SENP1: variants seen among roughly 807,000 people sequenced by gnomAD.
SENP1 encodes the protein sentrin-specific protease 1.
A neutral mutation model predicts 93.0 loss-of-function variants in SENP1; 21 were observed. The ratio of observed to expected loss-of-function variants is 0.23; its 90% confidence interval spans 0.16 to 0.33. The LOEUF is 0.33. Among genes scored for constraint, SENP1 ranks in the 10% least tolerant of loss-of-function variants. The pLI, the probability that SENP1 is intolerant of heterozygous loss-of-function variation, is 1.00. For synonymous variants in SENP1, 256 were observed against 259.6 expected, an observed-to-expected ratio of 0.99 and a Z score of 0.13; for missense variants, 591 against 758.7, an observed-to-expected ratio of 0.78 and a Z score of 2.60.
intron 13 of SENP1, among the ~76,000 whole-genome samples, chr12:48,054,213 T>C (rs1942044035): frequency 1.3e-5 from 2 of 152,268 alleles, no homozygotes; most frequent in Admixed American, 1.3e-4. Flanking sequence ...TCAGAGGCAG[T>C]GAAACCTCCA....
chr12:48,078,332 T>TACAC (rs1944259462), intron 6 of SENP1, among the ~76,000 whole-genome samples: 3 of 83,872 alleles, frequency 3.6e-5, no homozygotes, highest in African/African-American at 1.2e-4. Flanking sequence ...TATATATATA[T>TACAC]ATACACACAC....
intron 13 of SENP1, among the ~76,000 whole-genome samples, chr12:48,059,819 G>A (rs1408365214): frequency 6.6e-6 from 1 of 152,166 alleles, no homozygotes; most frequent in African/African-American, 2.4e-5. Context: ...TCTAGGGTCA[G>A]TTTTGCCCTA....
chr12:48,050,072 G>A (rs1455703167), intron 13 of SENP1, among the ~76,000 whole-genome samples: 1 of 152,146 alleles, frequency 6.6e-6, no homozygotes, highest in African/African-American at 2.4e-5. Context: ...ACTAAAACTT[G>A]AAAGTTATCG....
chr12:48,050,712 A>G (rs969371998), intron 13 of SENP1, among the ~76,000 whole-genome samples: 1 of 152,256 alleles, frequency 6.6e-6, no homozygotes. Context: ...TTCCGAAGGC[A>G]GCCATAAATG....
At chr12:48,074,909 A>G (rs1943959359) in intron 6 of SENP1, 116 bp from the exon 7 acceptor site, 1 of 688,796 alleles carries the variant, frequency 1.5e-6, no homozygotes, top group African/African-American at 1.8e-5. Flanking sequence ...AATCCTTAAG[A>G]TAATTAAGAA....
chr12:48,062,893 A>G (rs1391172009), intron 13 of SENP1, among the ~76,000 whole-genome samples: 1 of 152,224 alleles, frequency 6.6e-6, no homozygotes, highest in Non-Finnish European at 1.5e-5. Context: ...CAAAAACAGG[A>G]TATGGATATC....
intron 4 of SENP1, among the ~76,000 whole-genome samples, chr12:48,091,798 C>T (rs933881529): frequency 3.3e-5 from 5 of 152,058 alleles, no homozygotes; most frequent in Non-Finnish European, 4.4e-5. Flanking sequence ...CCCACCTCAG[C>T]TTCCTCAGTA....
At chr12:48,063,865 A>T in intron 12 of SENP1, 24 bp from the exon 13 acceptor site, 2 of 1,598,296 alleles carry the variant, frequency 1.3e-6, no homozygotes, top group Non-Finnish European at 1.7e-6. Context: ...AGGTGTCAAG[A>T]CATCAAACAC....
chr12:48,045,842 T>A (rs1330752576), intron 17 of SENP1, among the ~76,000 whole-genome samples: 1 of 152,168 alleles, frequency 6.6e-6, no homozygotes, highest in Non-Finnish European at 1.5e-5. Flanking sequence ...GGAGAACACA[T>A]CAGAATAAAC....
rs1424885302 is a variant in SENP1, at chr12:48,044,242, G to A, written c.*1080C>T. 1.4e-4 allele frequency: 21 copies of A among 151,358 alleles called. No homozygotes were observed. The highest frequency in any genetic ancestry group is 1.1e-3 in the Admixed American group (17 of 15,178). 9.4% of individuals were successfully genotyped at this position (151,358 alleles called of 1,614,324 possible). On this transcript the variant is annotated 3_prime_UTR_variant, in exon 18 of 18. Transcript: ENST00000549518. ...TAGTCCACAAACACCCTACTCATAG[G>A]GGCTGGGATCTCTGTGTGCTGGAAT...
chr12:48,079,748 TAGAG>T (rs138114134), intron 6 of SENP1, among the ~76,000 whole-genome samples: 18,504 of 151,876 alleles, frequency 0.12, 1,435 homozygotes, highest in African/African-American at 0.22. Context: ...AAAACTTTAA[TAGAG>T]AGCACAAAAT....
chr12:48,054,319 G>A (rs1249462708), intron 13 of SENP1, among the ~76,000 whole-genome samples: 1 of 152,152 alleles, frequency 6.6e-6, no homozygotes, highest in Non-Finnish European at 1.5e-5. Flanking sequence ...TATTTAGGTT[G>A]CTAAGCCTTC....
At chr12:48,064,961 G>T in intron 12 of SENP1, 104 bp downstream of exon 12, 1 of 810,784 alleles carries the variant, frequency 1.2e-6, no homozygotes, top group Non-Finnish European at 2.0e-6. Flanking sequence ...ACAGGCGTGA[G>T]CCACCGTGCC....
chr12:48,072,126 A>G (rs1254378466), intron 8 of SENP1, among the ~76,000 whole-genome samples: 1 of 152,218 alleles, frequency 6.6e-6, no homozygotes, highest in Non-Finnish European at 1.5e-5. Context: ...GTCCAAATAT[A>G]TTAAATGGAA....
rs146224551 is a variant in SENP1 at position 48,046,588 on chromosome 12, C to A, written c.1777-137G>T. 80 of 665,052 alleles carry A rather than the reference C, an allele frequency of 1.2e-4. No homozygotes were observed. The African/African-American group carries it at 1.3e-3, about 11-fold the overall frequency. 41.2% of individuals were successfully genotyped at this position (665,052 alleles called of 1,614,324 possible). On this transcript the variant is annotated intron_variant, in intron 16 of 17. Transcript: ENST00000549518. Reference sequence around the variant, plus strand: ...GATGACTCTGGCCCCCCAGTCAGGACAACAGAGGCTCAAAGAAACAAAATA... The same window carrying A: ...GATGACTCTGGCCCCCCAGTCAGGAAAACAGAGGCTCAAAGAAACAAAATA...
intron 12 of SENP1, among the ~76,000 whole-genome samples, chr12:48,064,304 A>AT (rs1943144997): frequency 6.6e-6 from 1 of 152,200 alleles, no homozygotes; most frequent in Admixed American, 6.5e-5. Context: ...TACAACTATA[A>AT]TAAGTGTGTT....
chr12:48,097,281 T>C (rs1001326367), intron 3 of SENP1, among the ~76,000 whole-genome samples: 1 of 152,254 alleles, frequency 6.6e-6, no homozygotes, highest in Non-Finnish European at 1.5e-5. Flanking sequence ...TGAGTACATA[T>C]CTGGAAATGT....
At chr12:48,099,166 C>T (rs1945755464) in intron 2 of SENP1, 1 of 151,796 alleles carries the variant, frequency 6.6e-6, no homozygotes, top group South Asian at 2.1e-4. Context: ...TATTAAAAAA[C>T]AAAACAAAAC....
intron 6 of SENP1, among the ~76,000 whole-genome samples, chr12:48,076,925 G>A (rs746706442): frequency 2.0e-5 from 3 of 152,144 alleles, no homozygotes; most frequent in South Asian, 2.1e-4. Flanking sequence ...GATTAAAGGC[G>A]TGAGCCACGG....
Sources: allele counts gnomAD v4.1 joint callset (sites outside exome capture counted in the v4.1 genomes callset), GRCh38; gene constraint gnomAD v4.1.1; transcripts MANE v1.5; gene names NCBI Gene and HGNC (gene_info 2026-07-23, HGNC 2026-07-21).